Variants in EXOC4 observed in about 807,000 individuals in gnomAD.
EXOC4 encodes the protein SEC8-like 1.
EXOC4 carries 71 observed loss-of-function variants against 107.2 expected under a neutral mutation model. The ratio of observed to expected loss-of-function variants is 0.66; its 90% CI spans 0.55 to 0.81. The LOEUF is 0.81. Ranked by LOEUF, EXOC4 falls within the 30% of genes least tolerant of loss-of-function variation. The pLI is 0.00. For missense variants in EXOC4, 1,108 were observed against 1,189.6 expected, an observed-to-expected ratio of 0.93 and a Z score of 1.01; for synonymous variants, 456 against 441.2, an observed-to-expected ratio of 1.03 and a Z score of -0.42.
chr7:133,428,648 G>A (rs1315665391), intron 7 of EXOC4, among the ~76,000 whole-genome samples: 1 of 152,166 alleles, frequency 6.6e-6, no homozygotes, highest in South Asian at 2.1e-4. Context: ...ATCAGGAAAC[G>A]GATTCAATAA....
intron 17 of EXOC4, among the ~76,000 whole-genome samples, chr7:134,032,924 G>T (rs997160096): frequency 3.9e-5 from 6 of 152,140 alleles, no homozygotes; most frequent in African/African-American, 1.4e-4. Context: ...TTTTAACAAA[G>T]CTTGTAAGGT....
At chr7:133,664,541 A>G (rs529097067) in intron 10 of EXOC4, among the ~76,000 whole-genome samples, 2 of 152,270 alleles carry the variant, frequency 1.3e-5, no homozygotes, top group South Asian at 4.1e-4. Context: ...TCTGTGAACA[A>G]GCACTGCCTA....
intron 4 of EXOC4, among the ~76,000 whole-genome samples, chr7:133,308,419 A>G (rs904139756): frequency 1.5e-4 from 23 of 152,204 alleles, no homozygotes; most frequent in African/African-American, 5.3e-4. Flanking sequence ...ACTTGGAGGG[A>G]AGACCATGTG....
chr7:133,651,990 C>T (rs1267956163), intron 10 of EXOC4, among the ~76,000 whole-genome samples: 1 of 152,162 alleles, frequency 6.6e-6, no homozygotes, highest in Admixed American at 6.6e-5. Flanking sequence ...GTAACTCAAA[C>T]TCTAGAAGGC....
chr7:133,441,485 G>A (rs779272093), intron 7 of EXOC4, among the ~76,000 whole-genome samples: 2 of 152,156 alleles, frequency 1.3e-5, no homozygotes, highest in Non-Finnish European at 2.9e-5. Flanking sequence ...CTGTCTCCCA[G>A]GTTCAAGTGA....
At chr7:133,927,554 A>G (rs538375604) in intron 13 of EXOC4, among the ~76,000 whole-genome samples, 8 of 152,348 alleles carry the variant, frequency 5.3e-5, no homozygotes, top group African/African-American at 1.9e-4. Context: ...CGAAGCAGGA[A>G]AAAAAGACTT....
At chr7:133,710,916 A>AG (rs1794879058) in intron 10 of EXOC4, among the ~76,000 whole-genome samples, 1 of 151,670 alleles carries the variant, frequency 6.6e-6, no homozygotes, top group Non-Finnish European at 1.5e-5. Context: ...ACAGCCAGAA[A>AG]AAAAAAATCG....
chr7:134,003,276 G>T (rs1039246756), intron 15 of EXOC4, among the ~76,000 whole-genome samples: 95 of 152,162 alleles, frequency 6.2e-4, no homozygotes, highest in Admixed American at 6.0e-3. Flanking sequence ...TAGATGAGTG[G>T]TTGCCAAAGG....
intron 11 of EXOC4, among the ~76,000 whole-genome samples, chr7:133,818,513 A>G (rs1797429024): frequency 6.6e-6 from 1 of 152,172 alleles, no homozygotes; most frequent in Admixed American, 6.5e-5. Context: ...CGTCCTAGTT[A>G]TGAGCATTCT....
At position 133,835,403 on chromosome 7, in the gene EXOC4, T is replaced by A. The variant is rs146046670; in HGVS notation, c.1734+17859T>A. On this transcript the variant is annotated intron_variant, in intron 11 of 17. Transcript: ENST00000253861. Reference sequence around the variant, plus strand: ...ACATGTAAGATGTACATTGGTTTGGTCCAGAAAGGTGGGACAGTTCGAAGT... The same window carrying A: ...ACATGTAAGATGTACATTGGTTTGGACCAGAAAGGTGGGACAGTTCGAAGT... 4.9e-3 allele frequency among the ~76,000 whole-genome samples: 743 copies of A among 152,320 alleles called. 3 individuals are homozygous for A. Among genetic ancestry groups the A allele is most frequent in the Middle Eastern group, 0.017 (5 of 294 alleles).
chr7:133,651,017 T>C (rs1049981620), intron 10 of EXOC4, among the ~76,000 whole-genome samples: 3 of 146,500 alleles, frequency 2.0e-5, no homozygotes, highest in African/African-American at 7.5e-5. Flanking sequence ...GGAGTTTCCT[T>C]GGTGATTTAA....
In EXOC4 at chr7:133,594,491, G is replaced by GTTTTTTTTTT. The variant is rs1302445068; in HGVS notation, c.1418-35553_1418-35552insTTTTTTTTTT. 7.7e-3 allele frequency among the ~76,000 whole-genome samples: 181 copies of GTTTTTTTTTT among 23,428 alleles called. 4 individuals are homozygous for GTTTTTTTTTT. The highest frequency in any genetic ancestry group is 0.013 in the Admixed American group (19 of 1,472). The allele number at this position is 23,428 out of a possible 152,430, so 15.4% of individuals were successfully genotyped here. The stretch of plus-strand genomic sequence containing the variant: ...TGAGACAAGAAATACATAAGCTTGA[G>GTTTTTTTTTT]TCTTTTTTTTTTTTTTTTTTTTGAG... On this transcript the variant is annotated intron_variant, in intron 9 of 17. Coordinates refer to ENST00000253861, the MANE Select transcript of EXOC4 (RefSeq NM_021807.4).
At chr7:133,785,978 C>A (rs2551028) in intron 10 of EXOC4, among the ~76,000 whole-genome samples, 2 of 152,236 alleles carry the variant, frequency 1.3e-5, no homozygotes, top group East Asian at 3.8e-4. Context: ...CAGAAATGGA[C>A]ACATGTTTTA....
At chr7:133,673,865 A>G (rs541323763) in intron 10 of EXOC4, among the ~76,000 whole-genome samples, 1 of 152,358 alleles carries the variant, frequency 6.6e-6, no homozygotes, top group Admixed American at 6.5e-5. Context: ...TCATAATACT[A>G]AACAAATATT....
At chr7:133,763,659 C>CT (rs1562987609) in intron 10 of EXOC4, among the ~76,000 whole-genome samples, 1 of 148,536 alleles carries the variant, frequency 6.7e-6, no homozygotes, top group South Asian at 2.1e-4. Context: ...CATTTTTAAT[C>CT]TTTTTCAAAA....
At chr7:133,688,628 A>G (rs1261817075) in intron 10 of EXOC4, among the ~76,000 whole-genome samples, 1 of 152,214 alleles carries the variant, frequency 6.6e-6, no homozygotes, top group East Asian at 1.9e-4. Context: ...AGTATTGGCA[A>G]AAAATGTAGT....
intron 9 of EXOC4, among the ~76,000 whole-genome samples, chr7:133,584,360 C>T (rs1032697409): frequency 6.6e-6 from 1 of 152,016 alleles, no homozygotes; most frequent in African/African-American, 2.4e-5. Context: ...GCCCAAAACC[C>T]TTTTCTTACT....
At chr7:133,735,153 G>A (rs137932718) in intron 10 of EXOC4, among the ~76,000 whole-genome samples, 1 of 137,472 alleles carries the variant, frequency 7.3e-6, no homozygotes, top group Non-Finnish European at 1.5e-5. Flanking sequence ...TTGAACCTTG[G>A]AGGTGGAGGT....
chr7:133,837,257 T>A (rs1447830865), intron 11 of EXOC4, among the ~76,000 whole-genome samples: 1 of 152,172 alleles, frequency 6.6e-6, no homozygotes, highest in East Asian at 1.9e-4. Context: ...ATCCTGGTGA[T>A]CTCCTACTAA....
Sources: gnomAD v4.1 joint callset for allele counts (sites outside exome capture counted in the v4.1 genomes callset) on GRCh38, gnomAD v4.1.1 for gene constraint, MANE v1.5 for transcripts, NCBI Gene and HGNC (gene_info 2026-07-23, HGNC 2026-07-21) for gene names.